Variants in XRCC4 observed in about 807,000 individuals in gnomAD.
XRCC4 encodes the protein DNA repair protein XRCC4.
A neutral mutation model predicts 39.1 loss-of-function variants in XRCC4; 28 were observed. The observed-to-expected ratio is 0.72, with a 90% CI of 0.53 to 0.98. The LOEUF is 0.98. XRCC4 is among the 50% of genes least tolerant of loss of function. XRCC4 has a pLI of 0.00. For synonymous variants in XRCC4, 123 were observed against 126.4 expected, an observed-to-expected ratio of 0.97 and a Z score of 0.18; for missense variants, 350 against 376.4, an observed-to-expected ratio of 0.93 and a Z score of 0.58.
chr5:83,297,592 G>T (rs746061286), intron 7 of XRCC4, among the ~76,000 whole-genome samples: 1 of 151,916 alleles, frequency 6.6e-6, no homozygotes, highest in East Asian at 1.9e-4. Flanking sequence ...GAGCTTGGTC[G>T]TGAAGAAGAA....
the XRCC4 span, among the ~76,000 whole-genome samples, chr5:83,363,517 C>T: frequency 2.0e-5 from 3 of 152,166 alleles, no homozygotes; most frequent in Non-Finnish European, 4.4e-5. Flanking sequence ...TATTTCTTTG[C>T]TGACTGTGTA....
At chr5:83,288,447 G>T (rs1754806557) in intron 7 of XRCC4, among the ~76,000 whole-genome samples, 1 of 151,826 alleles carries the variant, frequency 6.6e-6, no homozygotes, top group South Asian at 2.1e-4. Flanking sequence ...TGACATGCTT[G>T]TTAGTTGCAT....
chr5:83,279,196 A>G (rs555631100), intron 7 of XRCC4, among the ~76,000 whole-genome samples: 4 of 151,286 alleles, frequency 2.6e-5, no homozygotes, highest in African/African-American at 9.7e-5. Flanking sequence ...GATACATATC[A>G]ATCAACTTAT....
At chr5:83,322,275 C>T (rs909779590) in intron 7 of XRCC4, among the ~76,000 whole-genome samples, 4 of 151,964 alleles carry the variant, frequency 2.6e-5, no homozygotes, top group African/African-American at 9.7e-5. Context: ...GTTTAAGCCT[C>T]AATGTATCTC....
At chr5:83,235,856 A>G (rs1752669480) in intron 6 of XRCC4, among the ~76,000 whole-genome samples, 1 of 152,150 alleles carries the variant, frequency 6.6e-6, no homozygotes, top group South Asian at 2.1e-4. Flanking sequence ...ATTAGAACTG[A>G]TAAATTCAGG....
intron 3 of XRCC4, among the ~76,000 whole-genome samples, chr5:83,185,421 A>T (rs1462747437): frequency 9.0e-6 from 1 of 111,530 alleles, no homozygotes; most frequent in East Asian, 2.0e-4. Flanking sequence ...AAAAGTATGT[A>T]TTATATATAT....
At chr5:83,301,337 G>A (rs1318178359) in intron 7 of XRCC4, among the ~76,000 whole-genome samples, 3 of 152,180 alleles carry the variant, frequency 2.0e-5, no homozygotes, top group South Asian at 2.1e-4. Flanking sequence ...CAGTGATGAT[G>A]AGCTTTTTTT....
chr5:83,248,532 G>C (rs571606312), intron 6 of XRCC4, among the ~76,000 whole-genome samples: 1 of 152,116 alleles, frequency 6.6e-6, no homozygotes, highest in East Asian at 1.9e-4. Flanking sequence ...TCTTTGGGGC[G>C]TGACAAGTTT....
chr5:83,171,948 C>T (rs1400421021), intron 3 of XRCC4, among the ~76,000 whole-genome samples: 1 of 152,030 alleles, frequency 6.6e-6, no homozygotes, highest in Admixed American at 6.6e-5. Context: ...TTTATGTGTC[C>T]ATATAATTGG....
At chr5:83,242,513 A>G (rs900077881) in intron 6 of XRCC4, among the ~76,000 whole-genome samples, 1 of 152,030 alleles carries the variant, frequency 6.6e-6, no homozygotes. Flanking sequence ...TGGTGTGATC[A>G]TAGTTCACTG....
At chr5:83,357,813 A>G (rs748391241), downstream of XRCC4, among the ~76,000 whole-genome samples, 2 of 152,166 alleles carry the variant, frequency 1.3e-5, no homozygotes, top group Non-Finnish European at 2.9e-5. Context: ...CTCTTGATAG[A>G]GCTGCCCCGG....
At chr5:83,085,095 A>G (rs1177159251) in intron 1 of XRCC4, among the ~76,000 whole-genome samples, 1 of 152,236 alleles carries the variant, frequency 6.6e-6, no homozygotes. Flanking sequence ...TGAAGTAAGC[A>G]AAGAGTTCAA....
In XRCC4 at chr5:83,170,656, T is replaced by A. The variant is rs1463461767; in HGVS notation, c.316-25114T>A. On this transcript the variant is annotated intron_variant, in intron 3 of 7. Transcript: ENST00000396027. ...AGCAACAGACAAGTTCCTTCAAGTC[T>A]AATTCCCACTCCTCATGAAGAACCC... Among the ~76,000 whole-genome samples, 5 of 152,300 alleles carry A rather than the reference T, an allele frequency of 3.3e-5. No homozygotes were observed. In the East Asian group the frequency reaches 9.7e-4, roughly 29 times the overall value.
chr5:83,369,612 G>T, the XRCC4 span, among the ~76,000 whole-genome samples: 1 of 152,178 alleles, frequency 6.6e-6, no homozygotes, highest in Non-Finnish European at 1.5e-5. Context: ...AGTATTCCAC[G>T]GTGTATATGT....
At chr5:83,227,129 T>G (rs1752320687) in intron 6 of XRCC4, among the ~76,000 whole-genome samples, 1 of 152,128 alleles carries the variant, frequency 6.6e-6, no homozygotes. Flanking sequence ...AAATTCTTAG[T>G]TTTTGTTCTT....
intron 7 of XRCC4, among the ~76,000 whole-genome samples, chr5:83,283,258 A>G (rs1580463408): frequency 1.3e-5 from 2 of 152,210 alleles, no homozygotes; most frequent in East Asian, 3.8e-4. Context: ...TTACATTTGA[A>G]GAAACTATGT....
chr5:83,306,387 A>T (rs1755488021), intron 7 of XRCC4, among the ~76,000 whole-genome samples: 1 of 152,200 alleles, frequency 6.6e-6, no homozygotes, highest in South Asian at 2.1e-4. Context: ...AAAACATTTC[A>T]GTATATAAAA....
chr5:83,112,418 T>C lies in XRCC4; in HGVS notation c.315+1215T>C, dbSNP rs188422646. Among the ~76,000 whole-genome samples, 130 of 152,344 alleles carry C rather than the reference T, an allele frequency of 8.5e-4. No homozygotes were observed. The Middle Eastern group carries it at 0.01, about 12-fold the overall frequency. Reference sequence around the variant, plus strand: ...AACATTTGCATGTAACAACTAGCATTATTTTGTGCAGCGATTTTCTAGTTT... The same window carrying C: ...AACATTTGCATGTAACAACTAGCATCATTTTGTGCAGCGATTTTCTAGTTT... On this transcript the variant is annotated intron_variant, in intron 3 of 7. Transcript: ENST00000396027.
At chr5:83,155,916 A>G (rs1748937132) in intron 3 of XRCC4, among the ~76,000 whole-genome samples, 1 of 152,030 alleles carries the variant, frequency 6.6e-6, no homozygotes, top group Non-Finnish European at 1.5e-5. Context: ...ATATGAACTG[A>G]GTCTTAATGT....
Sources: allele counts gnomAD v4.1 joint callset (sites outside exome capture counted in the v4.1 genomes callset), GRCh38; gene constraint gnomAD v4.1.1; transcripts MANE v1.5; gene names NCBI Gene and HGNC (gene_info 2026-07-23, HGNC 2026-07-21).